The following TACR3 variants were observed in gnomAD, a reference collection of about 807,000 sequenced individuals.
TACR3 encodes the protein neuromedin-K receptor.
TACR3 carries 34 observed loss-of-function variants against 35.0 expected under a neutral mutation model. The ratio of observed to expected loss-of-function variants is 0.97; its 90% confidence interval spans 0.74 to 1.30. The LOEUF (loss-of-function observed/expected upper bound fraction) is 1.30. Ranked by LOEUF, TACR3 falls within the 50% of genes most tolerant of loss-of-function variation. The pLI is 0.00. For synonymous variants in TACR3, 233 were observed against 221.1 expected (o/e 1.05, Z -0.48); for missense variants, 558 against 591.7 (o/e 0.94, Z 0.59).
intron 1 of TACR3, among the ~76,000 whole-genome samples, chr4:103,668,624 G>A (rs1287489750): frequency 6.6e-6 from 1 of 152,062 alleles, no homozygotes; most frequent in African/African-American, 2.4e-5. Flanking sequence ...GAGGCAGGCA[G>A]ATCACCTGAG....
At chr4:103,610,158 G>T (rs1813782) in intron 3 of TACR3, among the ~76,000 whole-genome samples, 2 of 151,620 alleles carry the variant, frequency 1.3e-5, no homozygotes, top group Admixed American at 1.3e-4. Context: ...TGGACTATGT[G>T]GTAGTTCTGT....
chr4:103,589,529 T>G lies in TACR3; in HGVS notation c.*153A>C, dbSNP rs887663866. ...CATGTTATTAGTGTCTTTGTCACAT[T>G]TATACACTACCTTTCTCAATTTGAC... is the stretch of plus-strand genomic sequence containing the variant. On this transcript the variant is annotated 3_prime_UTR_variant, in exon 5 of 5. Coordinates refer to ENST00000304883, the MANE Select transcript of TACR3 (RefSeq NM_001059.3). The G allele has an allele frequency of 6.5e-6, 5 of 764,948 alleles. No homozygotes were observed. In the African/African-American group the frequency reaches 8.7e-5, roughly 13 times the overall value. 47.4% of individuals were successfully genotyped at this position (764,948 alleles called of 1,614,324 possible).
At chr4:103,624,583 A>G (rs1375538564) in intron 3 of TACR3, 1 of 152,210 alleles carries the variant, frequency 6.6e-6, no homozygotes, top group Non-Finnish European at 1.5e-5. Context: ...TTACAACTTA[A>G]GCAAAGTAGT....
At chr4:103,637,259 C>T (rs568138575) in intron 3 of TACR3, among the ~76,000 whole-genome samples, 2 of 152,250 alleles carry the variant, frequency 1.3e-5, no homozygotes, top group South Asian at 4.2e-4. Flanking sequence ...TGGGCTTCAT[C>T]CCTGGGATGC....
chr4:103,669,148 A>AT (rs1046674573), intron 1 of TACR3, among the ~76,000 whole-genome samples: 3 of 151,984 alleles, frequency 2.0e-5, no homozygotes, highest in Non-Finnish European at 4.4e-5. Context: ...ACAGGATTTC[A>AT]TTTTTTCATG....
In TACR3 at chr4:103,656,317, C is replaced by T. The variant is rs879056194; in HGVS notation, c.765G>A (p.Val255=). The T allele has an allele frequency of 1.9e-6, 3 of 1,612,610 alleles. No individual in the cohort carries two copies. Among genetic ancestry groups the T allele is most frequent in the Non-Finnish European group, 2.5e-6 (3 of 1,179,014 alleles). Residue 255 remains valine, a synonymous_variant, in exon 3 of 5, where the codon GTG becomes GTA. Transcript: ENST00000304883. ...CCATGATGAGCAATGGGAAACAGTA[C>T]ACCAGTATAATGACGATAATATGGT... ...FTYHIIVIIL[V]YCFPLLIMGI...
At chr4:103,683,698 C>T (rs1401360475) in intron 1 of TACR3, among the ~76,000 whole-genome samples, 1 of 151,844 alleles carries the variant, frequency 6.6e-6, no homozygotes, top group Non-Finnish European at 1.5e-5. Context: ...TCTCTAGTAC[C>T]TCATGGTTTC....
intron 1 of TACR3, among the ~76,000 whole-genome samples, chr4:103,696,871 A>C (rs1198137983): frequency 2.6e-5 from 4 of 151,556 alleles, no homozygotes; most frequent in Non-Finnish European, 5.9e-5. Context: ...TAATTTCTTC[A>C]CTCTACTTTC....
intron 1 of TACR3, among the ~76,000 whole-genome samples, chr4:103,699,481 T>A (rs999855516): frequency 1.3e-5 from 2 of 152,118 alleles, no homozygotes; most frequent in African/African-American, 4.8e-5. Flanking sequence ...ATTGAATGAT[T>A]TGTAGAGGAG....
chr4:103,632,708 G>A (rs1490423297), intron 3 of TACR3, among the ~76,000 whole-genome samples: 1 of 151,702 alleles, frequency 6.6e-6, no homozygotes, highest in Admixed American at 6.6e-5. Context: ...AAAGTGCACT[G>A]AAAGCTGGAT....
At chr4:103,680,514 TATATATATACACATATATATAC>T (rs1246276460) in intron 1 of TACR3, among the ~76,000 whole-genome samples, 50 of 147,534 alleles carry the variant, frequency 3.4e-4, no homozygotes, top group East Asian at 2.2e-3. Flanking sequence ...CACACACACA[TATATATATACACATATATATAC>T]ATATATATAC....
rs559202039 is a variant in TACR3 at position 103,620,657 on chromosome 4, A to G, written c.889-28974T>C. Among the ~76,000 whole-genome samples the G allele has an allele frequency of 3.3e-5, 5 of 152,306 alleles. No homozygotes were observed. The East Asian group carries it at 9.7e-4, about 29-fold the overall frequency. ...AACTAATGCAGGAATAGAAAACCAA[A>G]TACCACATGTTCTTGCATATAAGTA... On this transcript the variant is annotated intron_variant, in intron 3 of 4. Coordinates refer to ENST00000304883, the MANE Select transcript of TACR3 (RefSeq NM_001059.3).
intron 3 of TACR3, among the ~76,000 whole-genome samples, chr4:103,655,507 T>C (rs1419656515): frequency 6.6e-6 from 1 of 152,076 alleles, no homozygotes; most frequent in Non-Finnish European, 1.5e-5. Context: ...AAATCTAACT[T>C]ATTTAGTCGC....
rs757779795 is a variant in TACR3 at position 103,719,548 on chromosome 4, T to G, written c.128A>C (p.Gln43Pro). Residue 43 changes from glutamine to proline, a missense_variant, in exon 1 of 5, where the codon CAA becomes CCA. Coordinates refer to ENST00000304883, the MANE Select transcript of TACR3 (RefSeq NM_001059.3). ...GAGGTTGCCAGCTTGGTCCAGCAGT[T>G]GCAGCCACCCAGTCTCAACTGCCCC... Reference protein sequence around the residue: ...ATGAVETGWLQLLDQAGNLSS... With the variant: ...ATGAVETGWLPLLDQAGNLSS... The G allele has an allele frequency of 1.2e-6, 2 of 1,607,860 alleles. No homozygotes were observed. Among genetic ancestry groups the G allele is most frequent in the Non-Finnish European group, 1.7e-6 (2 of 1,175,580 alleles).
rs530292266 is a variant in TACR3 at position 103,718,769 on chromosome 4, C to A, written c.548+359G>T. The stretch of plus-strand genomic sequence containing the variant: ...GCCAAAAAGTGCACTTTACAGATGA[C>A]ATAAATTTTGTTCAAAAGTCATTTG... On this transcript the variant is annotated intron_variant, in intron 1 of 4. Transcript: ENST00000304883. Among the ~76,000 whole-genome samples the A allele has an allele frequency of 5.9e-5, 9 of 152,286 alleles. No homozygotes were observed. The South Asian group carries it at 1.9e-3, about 32-fold the overall frequency.
At chr4:103,597,446 CT>C (rs529213074) in intron 3 of TACR3, among the ~76,000 whole-genome samples, 29 of 151,806 alleles carry the variant, frequency 1.9e-4, no homozygotes, top group African/African-American at 6.5e-4. Context: ...GATTAGAATC[CT>C]TTTTTTTAAA....
chr4:103,706,095 G>GA (rs1290576944), intron 1 of TACR3, among the ~76,000 whole-genome samples: 13 of 152,080 alleles, frequency 8.5e-5, no homozygotes, highest in African/African-American at 2.9e-4. Flanking sequence ...AGTAAAGGCA[G>GA]AAAAAATGTA....
At chr4:103,718,986 G>C in intron 1 of TACR3, 142 bp downstream of exon 1, 1 of 1,162,348 alleles carries the variant, frequency 8.6e-7, no homozygotes, top group Admixed American at 2.0e-5. Flanking sequence ...AAATGGGTTA[G>C]TGTCCTCCTT....
At chr4:103,623,913 G>T (rs1180575756) in intron 3 of TACR3, among the ~76,000 whole-genome samples, 2 of 152,110 alleles carry the variant, frequency 1.3e-5, no homozygotes, top group Non-Finnish European at 2.9e-5. Flanking sequence ...ATAAAACAGT[G>T]ACTTCTAGTT....
Sources: gnomAD v4.1 joint callset for allele counts (sites outside exome capture counted in the v4.1 genomes callset) on GRCh38, gnomAD v4.1.1 for gene constraint, MANE v1.5 for transcripts, NCBI Gene and HGNC (gene_info 2026-07-23, HGNC 2026-07-21) for gene names.